Variants in ZNF433 observed in about 807,000 individuals in gnomAD.
ZNF433 encodes the protein zinc finger protein 433.
ZNF433 carries 12 observed loss-of-function variants against 10.6 expected under a neutral mutation model. The ratio of observed to expected loss-of-function variants is 1.13; its 90% CI spans 0.72 to 1.83. The LOEUF is 1.83. Ranked by LOEUF, ZNF433 falls within the 40% of genes most tolerant of loss-of-function variation. The probability of loss-of-function intolerance (pLI) is 0.00; values close to 1 mark genes in which losing one functional copy is unlikely to be tolerated. For synonymous variants in ZNF433, 272 were observed against 271.3 expected (o/e 1.00, Z -0.02); for missense variants, 737 against 798.0 (o/e 0.92, Z 0.92).
chr19:12,025,210 C>T (rs1193547133), intron 1 of ZNF433: 1 of 152,158 alleles, frequency 6.6e-6, no homozygotes, highest in Non-Finnish European at 1.5e-5. Flanking sequence ...TTTGATATGC[C>T]TATTAATGTG....
intron 1 of ZNF433, chr19:12,024,582 C>G (rs1049367823): frequency 6.6e-6 from 1 of 152,182 alleles, no homozygotes; most frequent in Non-Finnish European, 1.5e-5. Context: ...AGAGGAGATC[C>G]TAGTCTCACT....
rs1294184183 is a variant in ZNF433, at chr19:12,014,814, TC to T, written c.*30del. On this transcript the variant is annotated 3_prime_UTR_variant, in exon 4 of 4. Coordinates refer to ENST00000550507, the MANE Select transcript of ZNF433 (RefSeq NM_001308348.2). Reference sequence around the variant, plus strand: ...GTCTTGAACTCCTGGGCTTAAGCAGTCCCCCCACCTCAGCCTCCTAAAGCCT... The same window carrying T: ...GTCTTGAACTCCTGGGCTTAAGCAGTCCCCCACCTCAGCCTCCTAAAGCCT... 2.0e-6 allele frequency: 3 copies of T among 1,482,840 alleles called. No homozygotes were observed. Among genetic ancestry groups the T allele is most frequent in the Middle Eastern group, 3.6e-4 (2 of 5,586 alleles). The allele number at this position is 1,482,840 out of a possible 1,614,324, so 91.9% of individuals were successfully genotyped here.
intron 1 of ZNF433, among the ~76,000 whole-genome samples, chr19:12,020,743 CCT>C (rs1307264472): frequency 5.3e-5 from 8 of 151,812 alleles, no homozygotes; most frequent in African/African-American, 1.9e-4. Context: ...ATGGTGAAAC[CCT>C]GTCTCTACTA....
Position 12,014,767 on chromosome 19 carries a change from TCTCA to T in ZNF433, c.*74_*77del, listed in dbSNP as rs2145390631. 5.9e-6 allele frequency: 6 copies of T among 1,024,478 alleles called. No individual in the cohort carries two copies. Among genetic ancestry groups the T allele is most frequent in the Non-Finnish European group, 8.3e-6 (6 of 723,076 alleles). 63.5% of individuals were successfully genotyped at this position (1,024,478 alleles called of 1,614,324 possible). A position where few individuals can be genotyped will look rare whatever the true frequency, so the allele number is the denominator to read the frequency against. ...TATTTATTTAATTTTTATAACAGAG[TCTCA>T]CTATGTTGCCCAGGCTGGTCTTGAA... On this transcript the variant is annotated 3_prime_UTR_variant, in exon 4 of 4. Coordinates refer to ENST00000550507, the MANE Select transcript of ZNF433 (RefSeq NM_001308348.2).
chr19:12,017,937 C>G lies in ZNF433; in HGVS notation c.131-1G>C, dbSNP rs1446900650. On this transcript the variant is annotated splice_acceptor_variant, in intron 2 of 3. Transcript: ENST00000550507. LOFTEE classifies it high-confidence loss of function. Reference sequence around the variant, plus strand: ...ATGTTCTGGGGTTTCCATTTTTTCCCTACAACACACAACAAGGAAAATAAT... The same window carrying G: ...ATGTTCTGGGGTTTCCATTTTTTCCGTACAACACACAACAAGGAAAATAAT... The G allele has an allele frequency of 6.4e-7, 1 of 1,572,560 alleles. No individual in the cohort carries two copies. Among genetic ancestry groups the G allele is most frequent in the Non-Finnish European group, 8.6e-7 (1 of 1,164,628 alleles).
chr19:12,034,936 T>C (rs1975209552), intron 1 of ZNF433: 1 of 454,244 alleles, frequency 2.2e-6, no homozygotes. Context: ...CCTCCTGGGG[T>C]TGTGTTTTCC....
chr19:12,031,900 C>A (rs1342203646), intron 1 of ZNF433, among the ~76,000 whole-genome samples: 1 of 150,340 alleles, frequency 6.7e-6, no homozygotes, highest in Non-Finnish European at 1.5e-5. Flanking sequence ...AAAAAAAAGT[C>A]CTCCATCCTG....
intron 1 of ZNF433, among the ~76,000 whole-genome samples, chr19:12,031,180 C>A (rs1336918854): frequency 6.6e-6 from 1 of 151,798 alleles, no homozygotes; most frequent in African/African-American, 2.4e-5. Flanking sequence ...CCTGTAGTCC[C>A]AGCTACTTGG....
rs199522988 is a variant in ZNF433 at position 12,018,179 on chromosome 19, G to A, written c.117C>T (p.Asn39=). Residue 39 remains asparagine (N), a synonymous_variant, in exon 2 of 4, where the codon AAC becomes AAT. Coordinates refer to ENST00000550507, the MANE Select transcript of ZNF433 (RefSeq NM_001308348.2). ...TGTCACCCTTACCTATAGAGGCCAG[G>A]TTCCTGAAGGTTTCTTGCATCACAT... ...CRDVMQETFR[N]LASIGKKWKP... The A allele has an allele frequency of 3.6e-5, 57 of 1,599,512 alleles. No individual in the cohort carries two copies. Among genetic ancestry groups the A allele is most frequent in the Non-Finnish European group, 4.5e-5 (53 of 1,175,520 alleles).
intron 3 of ZNF433, 128 bp from the exon 4 acceptor site, chr19:12,016,794 A>C: frequency 7.6e-7 from 1 of 1,308,522 alleles, no homozygotes; most frequent in Non-Finnish European, 1.0e-6. Flanking sequence ...CCCAGGCTGG[A>C]GTGTAGTGGT....
intron 1 of ZNF433, chr19:12,018,630 T>C: frequency 5.4e-6 from 1 of 185,090 alleles, no homozygotes; most frequent in Non-Finnish European, 1.1e-5. Flanking sequence ...CAGAAAAAGT[T>C]AACATTAGCA....
chr19:12,035,670 G>T lies in ZNF433; in HGVS notation c.-131C>A, dbSNP rs912340793. ...CAACCTCAGCTCGCCGCCTGGAGCC[G>T]GGAACCGAGGAGAGCAGGGCCTTCG... is the stretch of plus-strand genomic sequence containing the variant. On this transcript the variant is annotated 5_prime_UTR_variant, in exon 1 of 4. Coordinates refer to ENST00000550507, the MANE Select transcript of ZNF433 (RefSeq NM_001308348.2). The T allele has an allele frequency of 6.1e-6, 8 of 1,304,932 alleles. No homozygotes were observed. The African/African-American group carries it at 1.1e-4, about 17-fold the overall frequency. 80.8% of individuals were successfully genotyped at this position (1,304,932 alleles called of 1,614,324 possible).
Position 12,015,783 on chromosome 19 carries a change from C to T in ZNF433, c.1075G>A (p.Gly359Arg), listed in dbSNP as rs373478545. 4.3e-6 allele frequency: 7 copies of T among 1,614,084 alleles called. No individual in the cohort carries two copies. Among genetic ancestry groups the T allele is most frequent in the Non-Finnish European group, 5.1e-6 (6 of 1,180,032 alleles). Reference protein sequence around the residue: ...SFQNHLGMHTGEISHKCKICG... With the variant: ...SFQNHLGMHTREISHKCKICG... ...ATCTTACATTTATGAGATATCTCTC[C>T]AGTGTGCATTCCCAAGTGGTTTTGA... Residue 359 changes from glycine to arginine, a missense_variant, in exon 4 of 4, where the codon GGA becomes AGA. Gly to Arg is a moderately radical substitution (Grantham distance 125). Coordinates refer to ENST00000550507, the MANE Select transcript of ZNF433 (RefSeq NM_001308348.2).
chr19:12,029,513 C>T (rs1332754085), intron 1 of ZNF433, among the ~76,000 whole-genome samples: 1 of 89,658 alleles, frequency 1.1e-5, no homozygotes, highest in African/African-American at 4.9e-5. Context: ...CAGAGCAAGA[C>T]TCTGTCTCAA....
rs1026124101 is a variant in ZNF433, at chr19:12,033,738, C to T, written c.3+1799G>A. On this transcript the variant is annotated intron_variant, in intron 1 of 3. Transcript: ENST00000550507. The stretch of plus-strand genomic sequence containing the variant: ...TTGGGAGGCTGAGTCAGGAGAATGG[C>T]GTGAACCCGGGAGGCGGAGCTTGCA... Among the ~76,000 whole-genome samples the T allele has an allele frequency of 2.0e-5, 3 of 151,726 alleles. No homozygotes were observed. In the South Asian group the frequency reaches 6.3e-4, roughly 32 times the overall value.
chr19:12,022,259 G>GAGCCCATCCCTTTGTTTC (rs546897888), intron 1 of ZNF433: 104 of 297,876 alleles, frequency 3.5e-4, no homozygotes, highest in African/African-American at 2.2e-3. Flanking sequence ...TAACTAGCCA[G>GAGCCCATCCCTTTGTTTC]AGCCCATCCC....
chr19:12,019,792 G>A (rs183398772), intron 1 of ZNF433, among the ~76,000 whole-genome samples: 276 of 152,116 alleles, frequency 1.8e-3, no homozygotes, highest in African/African-American at 5.9e-3. Flanking sequence ...AGGATACTAT[G>A]GTAATTGCAA....
At chr19:12,034,873 C>G (rs1394324763) in intron 1 of ZNF433, 2 of 454,272 alleles carry the variant, frequency 4.4e-6, no homozygotes, top group African/African-American at 2.0e-5. Flanking sequence ...ATTCCTGTCT[C>G]CCTGAAATGA....
chr19:12,026,444 G>C (rs1974737833), intron 1 of ZNF433: 1 of 319,312 alleles, frequency 3.1e-6, no homozygotes, highest in African/African-American at 2.2e-5. Context: ...TTTAATGATA[G>C]CTATGACAGT....
Sources: gnomAD v4.1 joint callset for allele counts (sites outside exome capture counted in the v4.1 genomes callset) on GRCh38, gnomAD v4.1.1 for gene constraint, MANE v1.5 for transcripts, NCBI Gene and HGNC (gene_info 2026-07-23, HGNC 2026-07-21) for gene names.